SLC9A2: variants seen among roughly 807,000 people sequenced by gnomAD.
SLC9A2 encodes sodium/hydrogen exchanger 2.
In SLC9A2, 42 loss-of-function variants were observed where a neutral mutation model predicts 71.7. That is an observed-to-expected ratio of 0.59 (90% confidence interval 0.46 to 0.76). SLC9A2 has a LOEUF of 0.76. Among genes scored for constraint, SLC9A2 ranks in the 30% least tolerant of loss-of-function variants. The pLI is 0.00. For missense variants in SLC9A2, 829 were observed against 1,017.4 expected (o/e 0.81, Z 2.52); for synonymous variants, 396 against 392.5 (o/e 1.01, Z -0.10).
intron 11 of SLC9A2, among the ~76,000 whole-genome samples, chr2:102,706,408 C>G (rs1677977405): frequency 6.6e-6 from 1 of 150,974 alleles, no homozygotes; most frequent in Non-Finnish European, 1.5e-5. Flanking sequence ...GGGAACATCA[C>G]ACGCCAGGGC....
intron 1 of SLC9A2, among the ~76,000 whole-genome samples, chr2:102,652,682 C>T (rs866365514): frequency 6.6e-6 from 1 of 152,236 alleles, no homozygotes; most frequent in Middle Eastern, 3.4e-3. Context: ...TGGTCCTTAA[C>T]AGAAAAGTCT....
At position 102,666,141 on chromosome 2, in the gene SLC9A2, C is replaced by T. The variant is rs567927081; in HGVS notation, c.1004+791C>T. Among the ~76,000 whole-genome samples the T allele has an allele frequency of 9.9e-4, 148 of 149,240 alleles. 1 individual carries two copies. The highest frequency in any genetic ancestry group is 3.4e-3 in the African/African-American group (140 of 40,834). On this transcript the variant is annotated intron_variant, in intron 3 of 11. Transcript: ENST00000233969. ...ATTTGATTTGGGATAACAGCTTAGTCATTCAAAGCAAAATCAGCGAATGAG... is the reference window on the plus strand; with the variant it reads ...ATTTGATTTGGGATAACAGCTTAGTTATTCAAAGCAAAATCAGCGAATGAG...
chr2:102,672,637 T>G (rs184620008), intron 3 of SLC9A2, among the ~76,000 whole-genome samples: 2 of 152,224 alleles, frequency 1.3e-5, no homozygotes, highest in Non-Finnish European at 2.9e-5. Context: ...GATGTCAAAC[T>G]AAAGCCACCT....
chr2:102,704,808 G>A (rs992081680), intron 10 of SLC9A2, 133 bp downstream of exon 10: 4 of 891,276 alleles, frequency 4.5e-6, no homozygotes, highest in Admixed American at 2.4e-5. Flanking sequence ...CAGGAAGGCT[G>A]GGGTGGCCGG....
At position 102,704,548 on chromosome 2, in the gene SLC9A2, T is replaced by C; in HGVS notation, c.1850T>C (p.Leu617Ser). Residue 617 changes from leucine (L) to serine (S), a missense_variant, in exon 10 of 12, where the codon TTA becomes TCA. Leu to Ser is a moderately radical substitution (Grantham distance 145). Around this residue, in one of 3 missense-constraint regions of SLC9A2, gnomAD observed 500 missense variants for 726.3 expected, o/e 0.69. Coordinates refer to ENST00000233969, the MANE Select transcript of SLC9A2 (RefSeq NM_003048.6). ...RNLYQIRQRT[L>S]SYNRHSLTAD... The stretch of plus-strand genomic sequence containing the variant: ...CTCTATATGTTTTCATTCCAGACTT[T>C]ATCCTACAACAGACACAGTCTGACA... 1.2e-6 allele frequency: 2 copies of C among 1,612,364 alleles called. No homozygotes were observed. The highest frequency in any genetic ancestry group is 2.2e-5 in the East Asian group (1 of 44,782).
chr2:102,706,036 C>CCAATGAGAACA, intron 11 of SLC9A2, 100 bp downstream of exon 11: 1 of 176,898 alleles, frequency 5.7e-6, no homozygotes, highest in Non-Finnish European at 9.8e-6. Context: ...AGAATGAGTT[C>CCAATGAGAACA]CGGCCGGGCG....
At chr2:102,694,964 T>A in intron 6 of SLC9A2, 79 bp from the exon 7 acceptor site, 1 of 1,220,634 alleles carries the variant, frequency 8.2e-7, no homozygotes, top group Non-Finnish European at 1.2e-6. Context: ...GTCTTTGGAG[T>A]TTAGAAATGA....
At chr2:102,657,016 C>G (rs1028994916) in intron 1 of SLC9A2, among the ~76,000 whole-genome samples, 1 of 152,050 alleles carries the variant, frequency 6.6e-6, no homozygotes, top group Non-Finnish European at 1.5e-5. Context: ...ACCAGCCTGG[C>G]CAACATGGCA....
At chr2:102,637,369 T>C (rs1676486587) in intron 1 of SLC9A2, among the ~76,000 whole-genome samples, 1 of 152,214 alleles carries the variant, frequency 6.6e-6, no homozygotes, top group Admixed American at 6.5e-5. Flanking sequence ...GAATACATGC[T>C]GAAATACTTT....
chr2:102,701,413 T>A (rs1345879068), intron 8 of SLC9A2, among the ~76,000 whole-genome samples, 182 bp downstream of exon 8: 1 of 152,210 alleles, frequency 6.6e-6, no homozygotes, highest in Non-Finnish European at 1.5e-5. Context: ...ATCATTTTTC[T>A]ATGGGGACAT....
chr2:102,620,260 G>T (rs902511472), intron 1 of SLC9A2, 123 bp downstream of exon 1: 3 of 777,222 alleles, frequency 3.9e-6, no homozygotes, highest in African/African-American at 1.8e-5. Flanking sequence ...GGGCAGGGAC[G>T]ACAGATGGAG....
chr2:102,649,135 A>C (rs1225996051), intron 1 of SLC9A2, among the ~76,000 whole-genome samples: 1 of 152,228 alleles, frequency 6.6e-6, no homozygotes, highest in African/African-American at 2.4e-5. Context: ...TATATAAACC[A>C]ATGGAACAGA....
chr2:102,674,621 G>A (rs1677316336), intron 3 of SLC9A2, among the ~76,000 whole-genome samples: 1 of 152,208 alleles, frequency 6.6e-6, no homozygotes, highest in South Asian at 2.1e-4. Context: ...TGAGTCACCA[G>A]GCATCTTTGT....
At chr2:102,704,516 T>A in intron 9 of SLC9A2, 28 bp from the exon 10 acceptor site, 2 of 1,602,912 alleles carry the variant, frequency 1.2e-6, no homozygotes, top group Non-Finnish European at 1.7e-6. Flanking sequence ...TTTTGTTTTT[T>A]AATGTCCTCT....
At chr2:102,636,109 T>C (rs1454527420) in intron 1 of SLC9A2, among the ~76,000 whole-genome samples, 1 of 152,218 alleles carries the variant, frequency 6.6e-6, no homozygotes, top group Non-Finnish European at 1.5e-5. Context: ...TATATGGAAC[T>C]GTAAGAATCT....
rs1265271530 is a variant in SLC9A2 at position 102,704,662 on chromosome 2, A to G, written c.1964A>G (p.Asn655Ser). The change falls in exon 10 of 12, where the codon AAT (asparagine) becomes AGT (serine). Residue 655 changes from asparagine (N) to serine (S), a missense_variant. Coordinates refer to ENST00000233969, the MANE Select transcript of SLC9A2 (RefSeq NM_003048.6). ...RESIRKDSSL[N>S]REHRASTSTS... Reference sequence around the variant, plus strand: ...AGCATTAGGAAGGACAGCAGCTTGAATCGAGAACACAGGGTAACTGAGTGT... The same window carrying G: ...AGCATTAGGAAGGACAGCAGCTTGAGTCGAGAACACAGGGTAACTGAGTGT... The G allele has an allele frequency of 6.2e-7, 1 of 1,612,078 alleles. No homozygotes were observed. Among genetic ancestry groups the G allele is most frequent in the Non-Finnish European group, 8.5e-7 (1 of 1,178,644 alleles).
chr2:102,649,343 A>G (rs1269567247), intron 1 of SLC9A2, among the ~76,000 whole-genome samples: 1 of 152,244 alleles, frequency 6.6e-6, no homozygotes, highest in Non-Finnish European at 1.5e-5. Context: ...TTAAAGGCTT[A>G]AGTGTAAAAC....
intron 5 of SLC9A2, among the ~76,000 whole-genome samples, chr2:102,692,184 C>A (rs1184458728): frequency 6.6e-6 from 1 of 152,152 alleles, no homozygotes; most frequent in Non-Finnish European, 1.5e-5. Flanking sequence ...CTCAAAGTAG[C>A]AGACTGAAAT....
chr2:102,628,288 A>G (rs928131983), intron 1 of SLC9A2, among the ~76,000 whole-genome samples: 8 of 152,184 alleles, frequency 5.3e-5, no homozygotes, highest in Non-Finnish European at 8.8e-5. Context: ...GCTGTTAAGT[A>G]GGAAACCATG....
Sources: allele counts gnomAD v4.1 joint callset (sites outside exome capture counted in the v4.1 genomes callset), GRCh38; gene constraint gnomAD v4.1.1; regional missense constraint gnomAD v4.1.1; transcripts MANE v1.5; gene names NCBI Gene and HGNC (gene_info 2026-07-23, HGNC 2026-07-21).